RREB1: variants seen among roughly 807,000 people sequenced by gnomAD.
The protein encoded by RREB1 is ras responsive element binding protein 1, also known as ras-responsive element-binding protein 1.
In RREB1, 27 loss-of-function variants were observed where a neutral mutation model predicts 117.8. The ratio of observed to expected loss-of-function variants is 0.23; its 90% CI spans 0.17 to 0.32. The LOEUF (loss-of-function observed/expected upper bound fraction) is 0.32, where lower values mean the gene tolerates loss of function less well. Ranked by LOEUF, RREB1 falls within the 10% of genes least tolerant of loss-of-function variation. RREB1 has a pLI of 1.00. For missense variants in RREB1, 2,577 were observed against 2,378.2 expected, an observed-to-expected ratio of 1.08 and a Z score of -1.74; for synonymous variants, 1,298 against 1,026.7, an observed-to-expected ratio of 1.26 and a Z score of -5.05.
Position 7,133,476 on chromosome 6 carries a change from A to G in RREB1, c.-285+25416A>G, listed in dbSNP as rs9392860. Among the ~76,000 whole-genome samples the G allele has an allele frequency of 0.015, 2,267 of 152,254 alleles. 206 individuals carry two copies. The East Asian group carries it at 0.26, about 17-fold the overall frequency. On this transcript the variant is annotated intron_variant, in intron 1 of 12. Transcript: ENST00000379938. ...ATGGCACACCCGGGAAGTCCCAGCC[A>G]CTTGGGAGGCTGAGGCAGGAGGATC...
At chr6:7,241,769 A>G (rs1581592040) in intron 11 of RREB1, among the ~76,000 whole-genome samples, 1 of 152,074 alleles carries the variant, frequency 6.6e-6, no homozygotes, top group African/African-American at 2.4e-5. Flanking sequence ...TGACTGCCCA[A>G]CCGCCAGTCT....
intron 4 of RREB1, chr6:7,183,360 C>T (rs909682398): frequency 3.9e-5 from 6 of 152,284 alleles, no homozygotes; most frequent in Non-Finnish European, 5.9e-5. Context: ...CTATCCATCT[C>T]TCCATCCATC....
Position 7,240,797 on chromosome 6 carries a change from G to A in RREB1, c.3973+195G>A, listed in dbSNP as rs567658384. Among the ~76,000 whole-genome samples, 27 of 152,260 alleles carry A rather than the reference G, an allele frequency of 1.8e-4. No individual in the cohort carries two copies. In the East Asian group the frequency reaches 4.6e-3, roughly 26 times the overall value. On this transcript the variant is annotated intron_variant, in intron 11 of 12. Coordinates refer to ENST00000379938, the MANE Select transcript of RREB1 (RefSeq NM_001003699.4). ...GGGAGTATAACTCCTGGGTCAGATCGCCTAGACAGACAGCAGAAAACAGTG... is the reference window on the plus strand; with the variant it reads ...GGGAGTATAACTCCTGGGTCAGATCACCTAGACAGACAGCAGAAAACAGTG...
chr6:7,156,241 C>T (rs146342646), intron 1 of RREB1, among the ~76,000 whole-genome samples: 129 of 152,226 alleles, frequency 8.5e-4, no homozygotes, highest in African/African-American at 1.7e-3. Context: ...TTTAAAGCTC[C>T]GTCCACTTCC....
intron 1 of RREB1, among the ~76,000 whole-genome samples, chr6:7,149,995 G>GT (rs375066168): frequency 0.19 from 26,121 of 140,158 alleles, 2,703 homozygotes; most frequent in East Asian, 0.41. Context: ...GGCCTGGTTG[G>GT]TTTTTTTTTT....
rs1769015290 is a variant in RREB1, at chr6:7,246,316, T to C, written c.3974-108T>C. ...GGGCCGAAAGAAGTCCTCACTGGTTTGGGGTTCAGGCTGCTGGCGTGGGTC... is the reference window on the plus strand; with the variant it reads ...GGGCCGAAAGAAGTCCTCACTGGTTCGGGGTTCAGGCTGCTGGCGTGGGTC... On this transcript the variant is annotated intron_variant, in intron 11 of 12. Coordinates refer to ENST00000379938, the MANE Select transcript of RREB1 (RefSeq NM_001003699.4). 6.2e-6 allele frequency: 6 copies of C among 964,976 alleles called. No individual in the cohort carries two copies. In the South Asian group the frequency reaches 8.1e-5, roughly 13 times the overall value. The allele number at this position is 964,976 out of a possible 1,614,324, so 59.8% of individuals were successfully genotyped here.
chr6:7,159,491 TA>T (rs2113456892), intron 1 of RREB1, among the ~76,000 whole-genome samples: 1 of 152,358 alleles, frequency 6.6e-6, no homozygotes, highest in East Asian at 1.9e-4. Context: ...TTTAAAATTA[TA>T]ACTGTTTATT....
intron 1 of RREB1, among the ~76,000 whole-genome samples, chr6:7,127,483 T>C (rs1307853769): frequency 5.3e-5 from 8 of 152,200 alleles, no homozygotes; most frequent in Admixed American, 5.2e-4. Flanking sequence ...TTCAACAATG[T>C]TTAGACTTCC....
At chr6:7,114,746 G>T (rs569609865) in intron 1 of RREB1, among the ~76,000 whole-genome samples, 1 of 152,198 alleles carries the variant, frequency 6.6e-6, no homozygotes, top group Middle Eastern at 3.2e-3. Flanking sequence ...TGGCAAGTTC[G>T]AAGTTTCACA....
chr6:7,204,301 TC>T lies in RREB1; in HGVS notation c.426-6497del, dbSNP rs1239979673. Among the ~76,000 whole-genome samples the T allele has an allele frequency of 5.3e-5, 8 of 150,702 alleles. No homozygotes were observed. The Admixed American group carries it at 5.3e-4, about 10-fold the overall frequency. ...TTGCTCAGTTGCCGCCTTGCTGTCC[TC>T]CCCCCGCCCCCTCCCTCTCTGTGTC... On this transcript the variant is annotated intron_variant, in intron 6 of 12. Transcript: ENST00000379938.
At chr6:7,238,671 A>C (rs1288539359) in intron 10 of RREB1, among the ~76,000 whole-genome samples, 1 of 152,198 alleles carries the variant, frequency 6.6e-6, no homozygotes, top group Non-Finnish European at 1.5e-5. Context: ...GGAGACCCTG[A>C]AAACAGTCAG....
intron 2 of RREB1, among the ~76,000 whole-genome samples, chr6:7,177,750 T>C (rs2113519548): frequency 6.6e-6 from 1 of 152,176 alleles, no homozygotes; most frequent in East Asian, 1.9e-4. Context: ...CTTGATGGAG[T>C]CTTGCTCTGT....
intron 1 of RREB1, among the ~76,000 whole-genome samples, chr6:7,121,886 G>A (rs1383659876): frequency 1.3e-5 from 2 of 152,152 alleles, no homozygotes; most frequent in African/African-American, 4.8e-5. Context: ...GCAATGCAGG[G>A]AGGCAGGGTG....
intron 8 of RREB1, among the ~76,000 whole-genome samples, chr6:7,223,574 A>G (rs1767400704): frequency 6.6e-6 from 1 of 151,906 alleles, no homozygotes; most frequent in Non-Finnish European, 1.5e-5. Flanking sequence ...AAAAAAAAAA[A>G]AGGTGAAGAG....
At chr6:7,176,355 C>A (rs1357329891) in intron 1 of RREB1, among the ~76,000 whole-genome samples, 9 of 152,180 alleles carry the variant, frequency 5.9e-5, no homozygotes, top group African/African-American at 2.2e-4. Context: ...ACGAAGCTCC[C>A]CCCCGGAGCC....
At chr6:7,205,252 C>T (rs577656672) in intron 6 of RREB1, among the ~76,000 whole-genome samples, 6 of 152,286 alleles carry the variant, frequency 3.9e-5, no homozygotes, top group African/African-American at 1.4e-4. Context: ...TGGGATGGGA[C>T]TCGGGGGTTT....
intron 1 of RREB1, among the ~76,000 whole-genome samples, chr6:7,108,328 C>T (rs1760934658): frequency 6.6e-6 from 1 of 151,954 alleles, no homozygotes; most frequent in Non-Finnish European, 1.5e-5. Context: ...CCTCCTCCTC[C>T]TCCTCCTCCT....
At chr6:7,165,034 AAGTG>A (rs1763854630) in intron 1 of RREB1, among the ~76,000 whole-genome samples, 1 of 152,252 alleles carries the variant, frequency 6.6e-6, no homozygotes, top group Admixed American at 6.5e-5. Context: ...GCAAATGTCT[AAGTG>A]AGCCCTGAAA....
chr6:7,194,008 A>G (rs976777077), intron 6 of RREB1, among the ~76,000 whole-genome samples: 8 of 152,202 alleles, frequency 5.3e-5, no homozygotes, highest in African/African-American at 1.9e-4. Flanking sequence ...CTGTGCTGTT[A>G]TAGAACGTTA....
Sources: allele counts gnomAD v4.1 joint callset (sites outside exome capture counted in the v4.1 genomes callset), GRCh38; gene constraint gnomAD v4.1.1; transcripts MANE v1.5; gene names NCBI Gene and HGNC (gene_info 2026-07-23, HGNC 2026-07-21).